The following PCDH11X variants were observed in gnomAD, a reference collection of about 807,000 sequenced individuals.
The protein encoded by PCDH11X is protocadherin-11 X-linked.
PCDH11X carries 18 observed loss-of-function variants against 53.3 expected under a neutral mutation model. The observed-to-expected ratio is 0.34, with a 90% CI of 0.23 to 0.50. PCDH11X has a LOEUF of 0.50. PCDH11X is among the 20% of genes least tolerant of loss of function. The pLI is 0.98. For missense variants in PCDH11X, 570 were observed against 1,032.4 expected, an observed-to-expected ratio of 0.55 and a Z score of 6.14; for synonymous variants, 279 against 393.3, an observed-to-expected ratio of 0.71 and a Z score of 3.44.
intron 6 of PCDH11X, among the ~76,000 whole-genome samples, chrX:92,132,657 G>GTATATGTATATATATATGTGTATA (rs2065009541): frequency 1.7e-4 from 9 of 54,378 alleles, no homozygotes; most frequent in East Asian, 1.1e-3. Context: ...ATATATATAT[G>GTATATGTATATATATATGTGTATA]TATATATATA....
At chrX:92,001,924 T>C (rs1192240740) in intron 6 of PCDH11X, among the ~76,000 whole-genome samples, 7 of 105,262 alleles carry the variant, frequency 6.7e-5, no homozygotes, top group African/African-American at 2.1e-4. Context: ...ACTTGTCCAT[T>C]TTTTTCTTTG....
intron 7 of PCDH11X, among the ~76,000 whole-genome samples, chrX:92,228,651 C>A (rs1468654199): frequency 9.8e-6 from 1 of 102,425 alleles, no homozygotes; most frequent in African/African-American, 3.4e-5. Flanking sequence ...ATACCTGATG[C>A]ATAGGGCTTT....
At chrX:92,016,847 C>G (rs1170148590) in intron 6 of PCDH11X, among the ~76,000 whole-genome samples, 1 of 110,908 alleles carries the variant, frequency 9.0e-6, no homozygotes, top group African/African-American at 3.3e-5. Context: ...CTTTTTGGCA[C>G]AAGAAGCCTA....
intron 10 of PCDH11X, among the ~76,000 whole-genome samples, chrX:92,550,859 T>G (rs1170083521): frequency 1.8e-5 from 2 of 108,518 alleles, no homozygotes; most frequent in Non-Finnish European, 3.8e-5. Flanking sequence ...TGTTCCTGGC[T>G]TATTTCACTT....
intron 7 of PCDH11X, among the ~76,000 whole-genome samples, chrX:92,253,359 C>T (rs62598494): frequency 0.12 from 13,153 of 111,262 alleles, 1,244 homozygotes; most frequent in African/African-American, 0.31. Flanking sequence ...GTAGTATAAA[C>T]TGAAGTCAGG....
Position 92,111,826 on chromosome X carries a change from G to C in PCDH11X, c.3034-89549G>C, listed in dbSNP as rs186340415. Among the ~76,000 whole-genome samples the C allele has an allele frequency of 8.2e-3, 903 of 109,555 alleles. 5 individuals carry two copies. The highest frequency in any genetic ancestry group is 0.029 in the African/African-American group (859 of 30,006). Reference sequence around the variant, plus strand: ...AGGCTGGAGTGCAGTGGCCGATCTCGGCTCACTGCAAACTCCACCTCCCAG... The same window carrying C: ...AGGCTGGAGTGCAGTGGCCGATCTCCGCTCACTGCAAACTCCACCTCCCAG... On this transcript the variant is annotated intron_variant, in intron 6 of 10. Coordinates refer to ENST00000682573, the MANE Select transcript of PCDH11X (RefSeq NM_032968.5).
intron 4 of PCDH11X, chrX:91,834,918 T>A: frequency 5.5e-6 from 4 of 726,261 alleles, no homozygotes; most frequent in Non-Finnish European, 4.9e-6. Flanking sequence ...CAAATCAAAC[T>A]TTATTAGTCC....
chrX:92,262,055 C>G, intron 7 of PCDH11X, among the ~76,000 whole-genome samples: 1 of 110,484 alleles, frequency 9.1e-6, no homozygotes, highest in Non-Finnish European at 1.9e-5. Context: ...ATGCTTATCT[C>G]AATTTCAATT....
intron 4 of PCDH11X, among the ~76,000 whole-genome samples, chrX:91,822,724 T>C (rs1373075492): frequency 9.1e-6 from 1 of 110,034 alleles, no homozygotes; most frequent in Non-Finnish European, 1.9e-5. Context: ...AGCTTTTGAA[T>C]GTGTTTGCTC....
At chrX:92,221,372 C>T (rs952062905) in intron 7 of PCDH11X, among the ~76,000 whole-genome samples, 1 of 104,346 alleles carries the variant, frequency 9.6e-6, no homozygotes, top group East Asian at 3.1e-4. Context: ...GGTTCTGGTC[C>T]GAGGCAAAGT....
chrX:92,366,131 T>C (rs1383368474), intron 8 of PCDH11X, among the ~76,000 whole-genome samples: 3 of 110,933 alleles, frequency 2.7e-5, no homozygotes, highest in South Asian at 3.8e-4. Flanking sequence ...TTGTTTTGGT[T>C]CATAGGCTAT....
chrX:91,836,963 T>G (rs953419876), intron 5 of PCDH11X, among the ~76,000 whole-genome samples: 5 of 109,057 alleles, frequency 4.6e-5, no homozygotes, highest in African/African-American at 1.7e-4. Flanking sequence ...TCTTGGAAAA[T>G]ATATGTTAAT....
chrX:92,102,043 G>A (rs1410471475), intron 6 of PCDH11X, among the ~76,000 whole-genome samples: 1 of 111,088 alleles, frequency 9.0e-6, no homozygotes, highest in African/African-American at 3.3e-5. Flanking sequence ...AGGAAATATG[G>A]GGAAATGGGG....
chrX:91,989,244 G>GA (rs373375695), intron 6 of PCDH11X, among the ~76,000 whole-genome samples: 2,614 of 102,757 alleles, frequency 0.025, 72 homozygotes, highest in African/African-American at 0.086. Flanking sequence ...CATTTCTTGT[G>GA]AAAAAAAAAA....
chrX:92,352,466 C>T (rs1343542194), intron 8 of PCDH11X, among the ~76,000 whole-genome samples: 32 of 111,565 alleles, frequency 2.9e-4, no homozygotes, highest in Non-Finnish European at 5.3e-4. Flanking sequence ...AATAATTGAC[C>T]TTCTGAATTC....
chrX:92,270,288 T>G (rs901057068), intron 8 of PCDH11X, among the ~76,000 whole-genome samples: 1 of 109,244 alleles, frequency 9.2e-6, no homozygotes, highest in Non-Finnish European at 1.9e-5. Context: ...TAGTTGTTTT[T>G]TGTGTGTGTG....
At position 91,929,314 on chromosome X, in the gene PCDH11X, A is replaced by G. The variant is rs779182387; in HGVS notation, c.3033+50041A>G. 2.6e-3 allele frequency among the ~76,000 whole-genome samples: 291 copies of G among 110,897 alleles called. 1 individual carries two copies. The highest frequency in any genetic ancestry group is 9.0e-3 in the African/African-American group (275 of 30,558). ...TGACAGTCACATATACAGAGAGTCT[A>G]ATGAGTAAGTAAAAGAGTACACAAG... On this transcript the variant is annotated intron_variant, in intron 6 of 10. Coordinates refer to ENST00000682573, the MANE Select transcript of PCDH11X (RefSeq NM_032968.5).
chrX:92,103,141 GA>G (rs1411021959), intron 6 of PCDH11X, among the ~76,000 whole-genome samples: 1 of 110,669 alleles, frequency 9.0e-6, no homozygotes, highest in Non-Finnish European at 1.9e-5. Context: ...GGGTTGGGGA[GA>G]AGGGCGGCAA....
At chrX:92,081,220 A>G (rs2063850945) in intron 6 of PCDH11X, among the ~76,000 whole-genome samples, 1 of 111,066 alleles carries the variant, frequency 9.0e-6, no homozygotes, top group South Asian at 3.8e-4. Flanking sequence ...CAAAAATGAT[A>G]TTAGTAAAAT....
Sources: allele counts gnomAD v4.1 joint callset (sites outside exome capture counted in the v4.1 genomes callset), GRCh38; gene constraint gnomAD v4.1.1; transcripts MANE v1.5; gene names NCBI Gene and HGNC (gene_info 2026-07-23, HGNC 2026-07-21).